OR2B11: variants seen among roughly 807,000 people sequenced by gnomAD.
OR2B11 encodes olfactory receptor 2B11.
For synonymous variants in OR2B11, 198 were observed against 174.5 expected (o/e 1.13, Z -1.06); for missense variants, 422 against 400.0 (o/e 1.05, Z -0.47).
In OR2B11 at chr1:247,450,885, G is replaced by T. The variant is rs946411207; in HGVS notation, c.*144C>A. ...GAACTTTGTCGCTATGGGATTTGGG[G>T]CATTATAACAGGAAGTGAGATGTTT... On this transcript the variant is annotated 3_prime_UTR_variant, in exon 2 of 2. Transcript: ENST00000641149. The T allele has an allele frequency of 6.2e-6, 3 of 485,792 alleles. No homozygotes were observed. The highest frequency in any genetic ancestry group is 5.9e-5 in the African/African-American group (3 of 50,840). The allele number at this position is 485,792 out of a possible 1,614,324, so 30.1% of individuals were successfully genotyped here.
Position 247,449,746 on chromosome 1 carries a change from AG to A in OR2B11, c.*1282del, listed in dbSNP as rs2103264403. The A allele has an allele frequency of 6.6e-6, 1 of 152,284 alleles. No individual in the cohort carries two copies. Among genetic ancestry groups the A allele is most frequent in the South Asian group, 2.1e-4 (1 of 4,814 alleles). The allele number at this position is 152,284 out of a possible 1,614,324, so 9.4% of individuals were successfully genotyped here. ...AAACTCTGTCTTGTTAGCACTTCTG[AG>A]CAGCACCAACTGGAGACTGGGTTTC... On this transcript the variant is annotated 3_prime_UTR_variant, in exon 2 of 2. Transcript: ENST00000641149.
rs6698597 is a variant in OR2B11 at position 247,452,293 on chromosome 1, C to A, written c.-311G>T. On this transcript the variant is annotated 5_prime_UTR_variant, in exon 2 of 2. Transcript: ENST00000641149. ...TCCTTCAATTGCCAAGACTTGGGGACGATAGAGACATTAAGTATGTGAGAA... is the reference window on the plus strand; with the variant it reads ...TCCTTCAATTGCCAAGACTTGGGGAAGATAGAGACATTAAGTATGTGAGAA... 16 of 332,078 alleles carry A rather than the reference C, an allele frequency of 4.8e-5. No individual in the cohort carries two copies. Among genetic ancestry groups the A allele is most frequent in the Non-Finnish European group, 9.0e-5 (16 of 178,334 alleles). 20.6% of individuals were successfully genotyped at this position (332,078 alleles called of 1,614,324 possible).
At chr1:247,455,829 C>G (rs1240202744) in intron 1 of OR2B11, among the ~76,000 whole-genome samples, 1 of 152,198 alleles carries the variant, frequency 6.6e-6, no homozygotes, top group Non-Finnish European at 1.5e-5. Context: ...TGTCCCACCT[C>G]TGGTTTCAGG....
rs1664900783 is a variant in OR2B11, at chr1:247,453,888, C to T, written c.-1906G>A. On this transcript the variant is annotated 5_prime_UTR_variant, in exon 2 of 2. Coordinates refer to ENST00000641149, the MANE Select transcript of OR2B11 (RefSeq NM_001004492.2). ...GAGGACAGCTGGTCTACCTTAGTTA[C>T]ACGGCAGCAAATGGTAAAGCCAGGA... The T allele has an allele frequency of 6.6e-6, 1 of 152,202 alleles. No homozygotes were observed. The highest frequency in any genetic ancestry group is 6.6e-5 in the Admixed American group (1 of 15,260). 9.4% of individuals were successfully genotyped at this position (152,202 alleles called of 1,614,324 possible).
At position 247,451,959 on chromosome 1, in the gene OR2B11, GA is replaced by G. The variant is rs35305980; in HGVS notation, c.23del (p.Phe8SerfsTer2). 0.45 allele frequency: 722,783 copies of G among 1,608,170 alleles called. 165,014 individuals are homozygous for G. The highest frequency in any genetic ancestry group is 0.53 in the South Asian group (48,035 of 90,956). On this transcript the variant is annotated frameshift_variant, in exon 2 of 2. Transcript: ENST00000641149. LOFTEE classifies it low-confidence loss of function (END_TRUNC). ...TGAAGGCTTTAGGGGAGTCCCCTAA[GA>G]AGCTATGGTTGTCACTTTTCATGTT... is the stretch of plus-strand genomic sequence containing the variant. MKSDNHS[F>X]LGDSPKAFIL...
Position 247,452,422 on chromosome 1 carries a change from G to A in OR2B11, c.-440C>T. On this transcript the variant is annotated 5_prime_UTR_variant, in exon 2 of 2. Coordinates refer to ENST00000641149, the MANE Select transcript of OR2B11 (RefSeq NM_001004492.2). ...TTCTCTCTACATCCACATCGACAAG[G>A]AATTGTCCACCTTCTTAGGCTTTCC... 6.0e-6 allele frequency: 1 copy of A among 166,836 alleles called. No homozygotes were observed. Among genetic ancestry groups the A allele is most frequent in the East Asian group, 1.6e-4 (1 of 6,308 alleles). The allele number at this position is 166,836 out of a possible 1,614,324, so 10.3% of individuals were successfully genotyped here.
In OR2B11 at chr1:247,454,812, C is replaced by T. The variant is rs914841964; in HGVS notation, c.-2830G>A. ...CCACCAGGACCCCTCTTGGAACTTGCTACCTGCCTCTCTGCAGGCAGTTTC... is the reference window on the plus strand; with the variant it reads ...CCACCAGGACCCCTCTTGGAACTTGTTACCTGCCTCTCTGCAGGCAGTTTC... On this transcript the variant is annotated 5_prime_UTR_variant, in exon 2 of 2. Coordinates refer to ENST00000641149, the MANE Select transcript of OR2B11 (RefSeq NM_001004492.2). 1 of 152,226 alleles carries T rather than the reference C, an allele frequency of 6.6e-6. No homozygotes were observed. Among genetic ancestry groups the T allele is most frequent in the Non-Finnish European group, 1.5e-5 (1 of 68,052 alleles). 9.4% of individuals were successfully genotyped at this position (152,226 alleles called of 1,614,324 possible). A position where few individuals can be genotyped will look rare whatever the true frequency, so the allele number is the denominator to read the frequency against.
Position 247,452,018 on chromosome 1 carries a change from A to G in OR2B11, c.-36T>C, listed in dbSNP as rs533486278. On this transcript the variant is annotated 5_prime_UTR_variant, in exon 2 of 2. Coordinates refer to ENST00000641149, the MANE Select transcript of OR2B11 (RefSeq NM_001004492.2). The stretch of plus-strand genomic sequence containing the variant: ...TTTCTGGCACTTGTGGCAAATTGAG[A>G]AAATTGGAATGAATAATACCTGAGA... 1.1e-5 allele frequency: 14 copies of G among 1,314,418 alleles called. 1 individual carries two copies. In the South Asian group the frequency reaches 1.7e-4, roughly 16 times the overall value. 81.4% of individuals were successfully genotyped at this position (1,314,418 alleles called of 1,614,324 possible). A position where few individuals can be genotyped will look rare whatever the true frequency, so the allele number is the denominator to read the frequency against.
In OR2B11 at chr1:247,454,815, C is replaced by T. The variant is rs1457185719; in HGVS notation, c.-2833G>A. 6.6e-6 allele frequency: 1 copy of T among 152,238 alleles called. No individual in the cohort carries two copies. The highest frequency in any genetic ancestry group is 2.4e-5 in the African/African-American group (1 of 41,454). The allele number at this position is 152,238 out of a possible 1,614,324, so 9.4% of individuals were successfully genotyped here. The stretch of plus-strand genomic sequence containing the variant: ...CCAGGACCCCTCTTGGAACTTGCTA[C>T]CTGCCTCTCTGCAGGCAGTTTCAAC... On this transcript the variant is annotated 5_prime_UTR_variant, in exon 2 of 2. Transcript: ENST00000641149.
In OR2B11 at chr1:247,451,813, G is replaced by A. The variant is rs747770501; in HGVS notation, c.170C>T (p.Pro57Leu). 5 of 1,614,064 alleles carry A rather than the reference G, an allele frequency of 3.1e-6. No homozygotes were observed. The highest frequency in any genetic ancestry group is 1.7e-5 in the Admixed American group (1 of 60,008). Residue 57 changes from proline to leucine, a missense_variant, in exon 2 of 2, where the codon CCT becomes CTT. Transcript: ENST00000641149. ...GATGTACATGGGGCTGTGGAGTTGA[G>A]GATCCACCCGGGATGCCAGGATGAT... ...VAIILASRVD[P>L]QLHSPMYIFL...
chr1:247,455,077 T>C lies in OR2B11; in HGVS notation c.-3082-13A>G, dbSNP rs192195813. Reference sequence around the variant, plus strand: ...TATATATCATTCCCTGTAGGATATATAATCCTTATGATTAATATTTATATC... The same window carrying C: ...TATATATCATTCCCTGTAGGATATACAATCCTTATGATTAATATTTATATC... On this transcript the variant is annotated splice_polypyrimidine_tract_variant and intron_variant, in intron 1 of 1. Coordinates refer to ENST00000641149, the MANE Select transcript of OR2B11 (RefSeq NM_001004492.2). The C allele has an allele frequency of 6.6e-6, 1 of 152,320 alleles. No homozygotes were observed. The highest frequency in any genetic ancestry group is 1.9e-4 in the East Asian group (1 of 5,190). The allele number at this position is 152,320 out of a possible 1,614,324, so 9.4% of individuals were successfully genotyped here. A position where few individuals can be genotyped will look rare whatever the true frequency, so the allele number is the denominator to read the frequency against.
Position 247,451,450 on chromosome 1 carries a change from A to G in OR2B11, c.533T>C (p.Leu178Pro), listed in dbSNP as rs1664844173. 17 of 1,614,170 alleles carry G rather than the reference A, an allele frequency of 1.1e-5. No individual in the cohort carries two copies. Among genetic ancestry groups the G allele is most frequent in the Non-Finnish European group, 1.4e-5 (17 of 1,180,010 alleles). The change falls in exon 2 of 2, where the codon CTG becomes CCG. Residue 178 changes from leucine to proline, a missense_variant. Physicochemically the swap from Leu to Pro is moderately conservative, Grantham distance 98. Coordinates refer to ENST00000641149, the MANE Select transcript of OR2B11 (RefSeq NM_001004492.2). The part of the protein sequence containing the change: ...VQLPFCGRQV[L>P]NNFFCEVPAV... ...CGGCACCTCACAGAAAAAGTTGTTC[A>G]GCACCTGCCGCCCGCAGAATGGCAA...
At chr1:247,456,992 C>T (rs909432552) in intron 1 of OR2B11, among the ~76,000 whole-genome samples, 6 of 152,036 alleles carry the variant, frequency 3.9e-5, no homozygotes, top group African/African-American at 7.3e-5. Flanking sequence ...TCCTCAGCCT[C>T]GTCAGTTATT....
In OR2B11 at chr1:247,452,251, A is replaced by G. The variant is rs1664865189; in HGVS notation, c.-269T>C. ...ATATTCCTGAACTTCTGCATCTGTA[A>G]AATGGGGAGAAATACCTCCTTCAAT... On this transcript the variant is annotated 5_prime_UTR_variant, in exon 2 of 2. Coordinates refer to ENST00000641149, the MANE Select transcript of OR2B11 (RefSeq NM_001004492.2). The G allele has an allele frequency of 7.3e-6, 3 of 408,768 alleles. No individual in the cohort carries two copies. In the Admixed American group the frequency reaches 1.2e-4, roughly 16 times the overall value. 25.3% of individuals were successfully genotyped at this position (408,768 alleles called of 1,614,324 possible).
rs766639771 is a variant in OR2B11 at position 247,451,395 on chromosome 1, G to A, written c.588C>T (p.Thr196=). 1.1e-5 allele frequency: 17 copies of A among 1,613,990 alleles called. No homozygotes were observed. Among genetic ancestry groups the A allele is most frequent in the Non-Finnish European group, 1.4e-5 (16 of 1,180,002 alleles). The change falls in exon 2 of 2, where the codon ACC becomes ACT. Residue 196 remains threonine (T), a synonymous_variant. Coordinates refer to ENST00000641149, the MANE Select transcript of OR2B11 (RefSeq NM_001004492.2). ...CAGCCAGTATGGTGTCATTCACAGCGGTGTCAGCACACGACAGCTTGATCA... is the reference window on the plus strand; with the variant it reads ...CAGCCAGTATGGTGTCATTCACAGCAGTGTCAGCACACGACAGCTTGATCA... ...PAVIKLSCAD[T]AVNDTILAVL... is the part of the protein sequence containing the mutation.
At position 247,452,422 on chromosome 1, in the gene OR2B11, G is replaced by C. The variant is rs1421589972; in HGVS notation, c.-440C>G. 6 of 166,836 alleles carry C rather than the reference G, an allele frequency of 3.6e-5. No individual in the cohort carries two copies. In the East Asian group the frequency reaches 9.5e-4, roughly 26 times the overall value. 10.3% of individuals were successfully genotyped at this position (166,836 alleles called of 1,614,324 possible). A position where few individuals can be genotyped will look rare whatever the true frequency, so the allele number is the denominator to read the frequency against. Reference sequence around the variant, plus strand: ...TTCTCTCTACATCCACATCGACAAGGAATTGTCCACCTTCTTAGGCTTTCC... The same window carrying C: ...TTCTCTCTACATCCACATCGACAAGCAATTGTCCACCTTCTTAGGCTTTCC... On this transcript the variant is annotated 5_prime_UTR_variant, in exon 2 of 2. Coordinates refer to ENST00000641149, the MANE Select transcript of OR2B11 (RefSeq NM_001004492.2).
At position 247,451,875 on chromosome 1, in the gene OR2B11, C is replaced by T; in HGVS notation, c.108G>A (p.Leu36=). 1 of 1,614,092 alleles carries T rather than the reference C, an allele frequency of 6.2e-7. No individual in the cohort carries two copies. Among genetic ancestry groups the T allele is most frequent in the East Asian group, 2.2e-5 (1 of 44,872 alleles). The change falls in exon 2 of 2, where the codon CTG becomes CTA. Residue 36 remains leucine, a synonymous_variant. Transcript: ENST00000641149. The part of the protein sequence containing the change: ...WLELPLFVVL[L]LSYVLAMLGN... ...CCAACATGGCCAGCACATAGGACAG[C>T]AGGAGGACCACAAAGAGAGGGAGTT...
chr1:247,456,404 C>T (rs1021981629), intron 1 of OR2B11, among the ~76,000 whole-genome samples: 1 of 152,194 alleles, frequency 6.6e-6, no homozygotes, highest in Middle Eastern at 3.2e-3. Context: ...ACCTTGGCCT[C>T]CCAAAGTGCT....
intron 1 of OR2B11, 72 bp downstream of exon 1, chr1:247,457,567 T>C (rs1664989375): frequency 6.6e-6 from 1 of 152,340 alleles, no homozygotes; most frequent in African/African-American, 2.4e-5. Context: ...CCAGTGTTAA[T>C]ACTGCCCATC....
Sources: gnomAD v4.1 joint callset for allele counts (sites outside exome capture counted in the v4.1 genomes callset) on GRCh38, gnomAD v4.1.1 for gene constraint, MANE v1.5 for transcripts, NCBI Gene and HGNC (gene_info 2026-07-23, HGNC 2026-07-21) for gene names.